Variants in MAML2 observed in about 807,000 individuals in gnomAD.
MAML2 encodes mastermind-like protein 2.
A neutral mutation model predicts 96.1 loss-of-function variants in MAML2; 22 were observed. The ratio of observed to expected loss-of-function variants is 0.23; its 90% CI spans 0.16 to 0.33. The LOEUF (loss-of-function observed/expected upper bound fraction) is 0.33. Ranked by LOEUF, MAML2 falls within the 10% of genes least tolerant of loss-of-function variation. MAML2 has a pLI of 1.00. For missense variants in MAML2, 1,367 were observed against 1,392.4 expected (o/e 0.98, Z 0.29); for synonymous variants, 561 against 521.3 (o/e 1.08, Z -1.04).
chr11:96,113,667 T>C (rs992894949), intron 1 of MAML2, among the ~76,000 whole-genome samples: 8 of 151,690 alleles, frequency 5.3e-5, no homozygotes, highest in African/African-American at 1.9e-4. Flanking sequence ...GGTTTGCATT[T>C]GAAATGGTTA....
chr11:96,169,518 C>T (rs777838069), intron 1 of MAML2, among the ~76,000 whole-genome samples: 2 of 152,236 alleles, frequency 1.3e-5, no homozygotes, highest in African/African-American at 2.4e-5. Context: ...AACCTGGTCA[C>T]GTCCTGGGAC....
intron 1 of MAML2, among the ~76,000 whole-genome samples, chr11:96,113,071 C>T (rs911449143): frequency 1.4e-5 from 1 of 72,038 alleles, no homozygotes; most frequent in Non-Finnish European, 2.8e-5. Flanking sequence ...ATTCAGTTTG[C>T]ATTTTGCAGG....
chr11:96,017,893 C>T (rs184031084), intron 2 of MAML2, among the ~76,000 whole-genome samples: 47 of 152,234 alleles, frequency 3.1e-4, no homozygotes, highest in African/African-American at 1.1e-3. Context: ...AGAACTTTAG[C>T]TTTTACTTGA....
intron 1 of MAML2, among the ~76,000 whole-genome samples, chr11:96,096,794 AG>A (rs1399201760): frequency 6.6e-6 from 1 of 152,224 alleles, no homozygotes; most frequent in Non-Finnish European, 1.5e-5. Flanking sequence ...GCACTAAAGG[AG>A]GGAAGTTTGT....
Position 96,093,269 on chromosome 11 carries a change from G to T in MAML2, c.762C>A (p.Gly254=), listed in dbSNP as rs775701476. 2 of 1,613,906 alleles carry T rather than the reference G, an allele frequency of 1.2e-6. No homozygotes were observed. The highest frequency in any genetic ancestry group is 1.7e-5 in the Admixed American group (1 of 60,006). The part of the protein sequence containing the change: ...NTLPSHTHSP[G]NGLFNMGLKE... The stretch of plus-strand genomic sequence containing the variant: ...TTAAGCCCATGTTAAACAGGCCATT[G>T]CCAGGAGAATGTGTATGGGATGGCA... The change falls in exon 2 of 5, where the codon GGC becomes GGA. Residue 254 remains glycine (G), a synonymous_variant. Coordinates refer to ENST00000524717, the MANE Select transcript of MAML2 (RefSeq NM_032427.4).
At chr11:96,339,354 C>T (rs191650719) in intron 1 of MAML2, among the ~76,000 whole-genome samples, 11 of 152,296 alleles carry the variant, frequency 7.2e-5, no homozygotes, top group South Asian at 2.1e-4. Context: ...AAAGTTACCA[C>T]GACCACTAAA....
At chr11:96,085,980 AAAAAACATGTTT>A (rs1859603923) in intron 2 of MAML2, among the ~76,000 whole-genome samples, 1 of 150,968 alleles carries the variant, frequency 6.6e-6, no homozygotes, top group Non-Finnish European at 1.5e-5. Flanking sequence ...GTGAAAGGTT[AAAAAACATGTTT>A]AAAATGAAAT....
At chr11:96,079,434 C>T (rs1043773087) in intron 2 of MAML2, among the ~76,000 whole-genome samples, 6 of 152,106 alleles carry the variant, frequency 3.9e-5, no homozygotes, top group South Asian at 2.1e-4. Flanking sequence ...CTGAGAGATG[C>T]GGTGTGTGGA....
rs777810741 is a variant in MAML2 at position 96,056,389 on chromosome 11, A to G, written c.2139+35503T>C. Among the ~76,000 whole-genome samples the G allele has an allele frequency of 1.5e-3, 94 of 60,652 alleles. 1 individual carries two copies. Among genetic ancestry groups the G allele is most frequent in the African/African-American group, 4.2e-3 (83 of 19,644 alleles). 39.8% of individuals were successfully genotyped at this position (60,652 alleles called of 152,430 possible). A position where few individuals can be genotyped will look rare whatever the true frequency, so the allele number is the denominator to read the frequency against. Reference sequence around the variant, plus strand: ...TTAGTTTTATGGCTATTTTCTGAGGAAAAAAAAAAAAAAAAAAGCCCAGGT... The same window carrying G: ...TTAGTTTTATGGCTATTTTCTGAGGGAAAAAAAAAAAAAAAAAGCCCAGGT... On this transcript the variant is annotated intron_variant, in intron 2 of 4. Transcript: ENST00000524717.
chr11:96,008,750 A>C (rs997791543), intron 2 of MAML2, among the ~76,000 whole-genome samples: 1 of 152,230 alleles, frequency 6.6e-6, no homozygotes, highest in Non-Finnish European at 1.5e-5. Flanking sequence ...CTTCATGTAC[A>C]TGTTGCCAAA....
intron 1 of MAML2, among the ~76,000 whole-genome samples, chr11:96,204,970 AATC>A (rs1430245359): frequency 6.6e-6 from 1 of 152,236 alleles, no homozygotes; most frequent in African/African-American, 2.4e-5. Context: ...ACTTCTTAAG[AATC>A]GAAAGCTCAG....
At chr11:95,982,775 G>A (rs925687968) in intron 4 of MAML2, among the ~76,000 whole-genome samples, 2 of 152,090 alleles carry the variant, frequency 1.3e-5, no homozygotes, top group Non-Finnish European at 2.9e-5. Context: ...GGTCAATGAA[G>A]GACTGCATGT....
At chr11:96,231,186 G>A (rs1033152283) in intron 1 of MAML2, among the ~76,000 whole-genome samples, 3 of 152,042 alleles carry the variant, frequency 2.0e-5, no homozygotes, top group East Asian at 1.9e-4. Flanking sequence ...GATTCCCACA[G>A]GTAAAATTAT....
chr11:96,277,334 AT>A (rs1206204651), intron 1 of MAML2, among the ~76,000 whole-genome samples: 6 of 150,244 alleles, frequency 4.0e-5, no homozygotes, highest in African/African-American at 1.5e-4. Context: ...TATTTGGGGT[AT>A]CTGTCACCTC....
At chr11:96,103,867 T>A (rs931742209) in intron 1 of MAML2, among the ~76,000 whole-genome samples, 1 of 152,236 alleles carries the variant, frequency 6.6e-6, no homozygotes, top group African/African-American at 2.4e-5. Flanking sequence ...GCTACACTAC[T>A]TTTTTGTTTG....
At position 96,100,791 on chromosome 11, in the gene MAML2, G is replaced by T. The variant is rs1382264360; in HGVS notation, c.514-7274C>A. 2.7e-5 allele frequency among the ~76,000 whole-genome samples: 4 copies of T among 149,596 alleles called. No homozygotes were observed. In the South Asian group the frequency reaches 6.4e-4, roughly 24 times the overall value. ...AACAGGATCTGGTTCTGTCATCCAGGCTGGAGTGTAGTGGCACAATCTTGG... is the reference window on the plus strand; with the variant it reads ...AACAGGATCTGGTTCTGTCATCCAGTCTGGAGTGTAGTGGCACAATCTTGG... On this transcript the variant is annotated intron_variant, in intron 1 of 4. Transcript: ENST00000524717.
At chr11:96,233,122 A>G (rs78506831) in intron 1 of MAML2, among the ~76,000 whole-genome samples, 2 of 151,814 alleles carry the variant, frequency 1.3e-5, no homozygotes, top group Non-Finnish European at 2.9e-5. Flanking sequence ...GCAAACAAAG[A>G]AAAAACAATA....
chr11:96,024,739 C>G (rs1054376263), intron 2 of MAML2, among the ~76,000 whole-genome samples: 1 of 152,188 alleles, frequency 6.6e-6, no homozygotes, highest in East Asian at 1.9e-4. Context: ...CTTCTCGGAA[C>G]GGTTCTGGTA....
chr11:96,120,487 C>T (rs1860319136), intron 1 of MAML2, among the ~76,000 whole-genome samples: 1 of 152,196 alleles, frequency 6.6e-6, no homozygotes, highest in African/African-American at 2.4e-5. Flanking sequence ...CAGATCCTGA[C>T]AGATCGCACC....
Sources: gnomAD v4.1 joint callset for allele counts (sites outside exome capture counted in the v4.1 genomes callset) on GRCh38, gnomAD v4.1.1 for gene constraint, MANE v1.5 for transcripts, NCBI Gene and HGNC (gene_info 2026-07-23, HGNC 2026-07-21) for gene names.